The following EYS variants were observed in gnomAD, a reference collection of about 807,000 sequenced individuals.
EYS encodes the protein protein eyes shut homolog.
EYS carries 250 observed loss-of-function variants against 282.1 expected under a neutral mutation model. The observed-to-expected ratio is 0.89, with a 90% CI of 0.80 to 0.98. EYS has a LOEUF of 0.98. EYS is among the 50% of genes least tolerant of loss of function. The probability of loss-of-function intolerance (pLI) is 0.00; values close to 1 mark genes in which losing one functional copy is unlikely to be tolerated. For synonymous variants in EYS, 1,355 were observed against 1,282.9 expected, an observed-to-expected ratio of 1.06 and a Z score of -1.20; for missense variants, 4,016 against 3,709.0, an observed-to-expected ratio of 1.08 and a Z score of -2.15.
chr6:65,285,899 T>C (rs1768349258), intron 12 of EYS, among the ~76,000 whole-genome samples: 1 of 151,900 alleles, frequency 6.6e-6, no homozygotes, highest in African/African-American at 2.4e-5. Context: ...TACACAACTT[T>C]TATCAGTATT....
At chr6:63,990,357 A>G (rs1219941405) in intron 34 of EYS, among the ~76,000 whole-genome samples, 6 of 151,654 alleles carry the variant, frequency 4.0e-5, no homozygotes, top group African/African-American at 1.2e-4. Flanking sequence ...AGCTGTATCA[A>G]AGCTGTAAGG....
In EYS at chr6:65,205,134, T is replaced by C. The variant is rs184918846; in HGVS notation, c.2023+90729A>G. ...ATATATATATATATCTATCTCCAAC[T>C]GTCGGCTGCCTATGAGAGAACCTAT... On this transcript the variant is annotated intron_variant, in intron 12 of 42. Transcript: ENST00000503581. Among the ~76,000 whole-genome samples the C allele has an allele frequency of 9.4e-5, 14 of 148,880 alleles. 1 individual carries two copies. Among genetic ancestry groups the C allele is most frequent in the African/African-American group, 3.4e-4 (14 of 40,864 alleles).
At chr6:64,398,711 T>C (rs73764431) in intron 28 of EYS, among the ~76,000 whole-genome samples, 5,812 of 151,974 alleles carry the variant, frequency 0.038, 359 homozygotes, top group African/African-American at 0.13. Context: ...CTTCAAATCC[T>C]CCTATCTGTA....
intron 26 of EYS, among the ~76,000 whole-genome samples, chr6:64,462,652 C>A (rs1180730981): frequency 6.6e-6 from 1 of 151,994 alleles, no homozygotes; most frequent in African/African-American, 2.4e-5. Context: ...TTTCCAAATT[C>A]TCAGATCTCC....
At chr6:65,580,161 C>G (rs1764818621) in intron 2 of EYS, among the ~76,000 whole-genome samples, 1 of 152,038 alleles carries the variant, frequency 6.6e-6, no homozygotes, top group Non-Finnish European at 1.5e-5. Flanking sequence ...CAGGAAGGAA[C>G]AGCCCATTAA....
At chr6:65,385,486 A>G (rs988372068) in intron 7 of EYS, among the ~76,000 whole-genome samples, 2 of 151,948 alleles carry the variant, frequency 1.3e-5, no homozygotes, top group Non-Finnish European at 2.9e-5. Flanking sequence ...ATCAGAAATA[A>G]TCATCCACTT....
At chr6:64,524,755 C>G (rs1247004463) in intron 26 of EYS, among the ~76,000 whole-genome samples, 3 of 151,610 alleles carry the variant, frequency 2.0e-5, no homozygotes, top group Non-Finnish European at 4.4e-5. Flanking sequence ...CTTTTGTCAA[C>G]TTTGCCAAAG....
chr6:64,883,669 C>G (rs956071052), intron 19 of EYS, among the ~76,000 whole-genome samples: 8 of 151,330 alleles, frequency 5.3e-5, no homozygotes, highest in Non-Finnish European at 3.0e-5. Context: ...AATTAAAACT[C>G]AAATTCGTAA....
At chr6:63,927,941 C>T (rs1329892793) in intron 35 of EYS, among the ~76,000 whole-genome samples, 1 of 152,204 alleles carries the variant, frequency 6.6e-6, no homozygotes, top group Non-Finnish European at 1.5e-5. Flanking sequence ...TTTTGATGCT[C>T]AGACAGGCTT....
At chr6:64,517,452 A>G (rs972580910) in intron 26 of EYS, among the ~76,000 whole-genome samples, 1 of 151,908 alleles carries the variant, frequency 6.6e-6, no homozygotes, top group African/African-American at 2.4e-5. Context: ...AAAATAAAAA[A>G]TGGTTTGGCA....
chr6:64,543,509 T>C (rs998011531), intron 26 of EYS, among the ~76,000 whole-genome samples: 7 of 152,158 alleles, frequency 4.6e-5, no homozygotes, highest in African/African-American at 1.7e-4. Context: ...ATAGTTGTGG[T>C]ATTATAAATT....
At chr6:65,203,685 T>C (rs1765959481) in intron 12 of EYS, among the ~76,000 whole-genome samples, 1 of 152,180 alleles carries the variant, frequency 6.6e-6, no homozygotes, top group Admixed American at 6.5e-5. Flanking sequence ...TTATGACACA[T>C]GTTATGGACC....
chr6:64,706,602 A>G (rs1771026576), intron 22 of EYS, among the ~76,000 whole-genome samples: 1 of 152,160 alleles, frequency 6.6e-6, no homozygotes, highest in Non-Finnish European at 1.5e-5. Context: ...AAGCAACTCA[A>G]ACAAATCAGC....
At chr6:64,990,704 T>C (rs949969927) in intron 14 of EYS, among the ~76,000 whole-genome samples, 1 of 151,642 alleles carries the variant, frequency 6.6e-6, no homozygotes, top group Non-Finnish European at 1.5e-5. Context: ...TACTGCTTCA[T>C]GGATTTCTTA....
rs1561993858 is a variant in EYS at position 63,721,224 on chromosome 6, C to T, written c.8807G>A (p.Ser2936Asn). 2 of 1,551,736 alleles carry T rather than the reference C, an allele frequency of 1.3e-6. No homozygotes were observed. The highest frequency in any genetic ancestry group is 4.9e-5 in the East Asian group (2 of 40,916). ...LCIPDQSFSY[S>N]CLCTLGWVGR... ...CACCCAACCCAAAGTACACAGGCAA[C>T]TGTAAGAAAATGATTGGTCAGGTAT... The change falls in exon 43 of 43, where the codon AGT becomes AAT. Residue 2936 changes from serine (S) to asparagine (N), a missense_variant. By Grantham distance (46) the Ser-to-Asn change is conservative. Transcript: ENST00000503581.
chr6:64,079,210 TTC>T (rs1325488843), intron 32 of EYS, among the ~76,000 whole-genome samples: 1 of 151,902 alleles, frequency 6.6e-6, no homozygotes, highest in South Asian at 2.1e-4. Flanking sequence ...TTGTATTGTC[TTC>T]TCTCTCTCTC....
chr6:64,570,680 C>T (rs1765696202), intron 26 of EYS, among the ~76,000 whole-genome samples: 1 of 152,006 alleles, frequency 6.6e-6, no homozygotes, highest in Non-Finnish European at 1.5e-5. Flanking sequence ...TCAAAAAAGA[C>T]AAATAAGGGC....
chr6:64,047,721 C>A (rs1335450266), intron 33 of EYS, among the ~76,000 whole-genome samples: 1 of 152,082 alleles, frequency 6.6e-6, no homozygotes, highest in Non-Finnish European at 1.5e-5. Context: ...GTGGATACTG[C>A]TATTATTCCC....
At chr6:65,573,674 G>C (rs763658724) in intron 2 of EYS, among the ~76,000 whole-genome samples, 2 of 152,132 alleles carry the variant, frequency 1.3e-5, no homozygotes, top group Non-Finnish European at 2.9e-5. Flanking sequence ...TCAGATACTG[G>C]AACCACAGCT....
Sources: gnomAD v4.1 joint callset for allele counts (sites outside exome capture counted in the v4.1 genomes callset) on GRCh38, gnomAD v4.1.1 for gene constraint, MANE v1.5 for transcripts, NCBI Gene and HGNC (gene_info 2026-07-23, HGNC 2026-07-21) for gene names.